EXOC6B: variants seen among roughly 807,000 people sequenced by gnomAD.
EXOC6B encodes SEC15 homolog B.
EXOC6B carries 54 observed loss-of-function variants against 113.5 expected under a neutral mutation model. The ratio of observed to expected loss-of-function variants is 0.48; its 90% CI spans 0.38 to 0.60. The LOEUF is 0.60. Among genes scored for constraint, EXOC6B ranks in the 20% least tolerant of loss-of-function variants. The pLI is 0.00. For missense variants in EXOC6B, 797 were observed against 977.5 expected (o/e 0.82, Z 2.46); for synonymous variants, 357 against 339.0 (o/e 1.05, Z -0.58).
intron 20 of EXOC6B, among the ~76,000 whole-genome samples, chr2:72,289,920 A>G (rs1259094876): frequency 1.3e-5 from 2 of 152,168 alleles, no homozygotes; most frequent in Non-Finnish European, 2.9e-5. Context: ...TCTAATGTGG[A>G]TGGGCCTCAC....
intron 6 of EXOC6B, among the ~76,000 whole-genome samples, chr2:72,597,916 AACAAC>A (rs1670177053): frequency 6.6e-6 from 1 of 152,012 alleles, no homozygotes; most frequent in Admixed American, 6.6e-5. Flanking sequence ...GTATGCACCT[AACAAC>A]AGAGCACCAA....
chr2:72,251,945 C>G (rs532919385), intron 20 of EXOC6B, among the ~76,000 whole-genome samples: 3 of 152,146 alleles, frequency 2.0e-5, no homozygotes, highest in Non-Finnish European at 2.9e-5. Context: ...TATTTCCCCC[C>G]CTTCTTCTCT....
chr2:72,595,713 A>G (rs1670041164), intron 6 of EXOC6B, among the ~76,000 whole-genome samples: 1 of 152,096 alleles, frequency 6.6e-6, no homozygotes, highest in African/African-American at 2.4e-5. Flanking sequence ...TAGATACACA[A>G]TAAGAAGACA....
intron 18 of EXOC6B, 139 bp from the exon 19 acceptor site, chr2:72,380,009 A>G (rs1691591661): frequency 1.4e-6 from 1 of 730,202 alleles, no homozygotes; most frequent in Non-Finnish European, 2.0e-6. Flanking sequence ...CTTCCATTCA[A>G]ATAATCTTGG....
At chr2:72,789,954 C>T (rs1276259754) in intron 1 of EXOC6B, among the ~76,000 whole-genome samples, 1 of 152,100 alleles carries the variant, frequency 6.6e-6, no homozygotes, top group Admixed American at 6.5e-5. Context: ...TCATAGAAAA[C>T]AAAACTGCTC....
intron 6 of EXOC6B, among the ~76,000 whole-genome samples, chr2:72,606,635 C>CTTT (rs1050116094): frequency 1.1e-4 from 17 of 148,624 alleles, no homozygotes; most frequent in African/African-American, 3.4e-4. Context: ...TTCTTTCTTT[C>CTTT]TTTTTTTTTT....
chr2:72,352,731 ATT>A (rs201972771), intron 19 of EXOC6B, among the ~76,000 whole-genome samples: 3 of 144,902 alleles, frequency 2.1e-5, no homozygotes, highest in Non-Finnish European at 3.0e-5. Context: ...GACTGTAATC[ATT>A]TTTTTTTTTT....
Position 72,424,717 on chromosome 2 carries a change from T to G in EXOC6B, c.1980+40443A>C, listed in dbSNP as rs573774870. On this transcript the variant is annotated intron_variant, in intron 18 of 21. Transcript: ENST00000272427. The stretch of plus-strand genomic sequence containing the variant: ...GCTCTATTTGACTTCTTCAAGTTTA[T>G]TAATATGACTACTCCTGTGATCAAA... Among the ~76,000 whole-genome samples, 13 of 152,354 alleles carry G rather than the reference T, an allele frequency of 8.5e-5. No homozygotes were observed. In the South Asian group the frequency reaches 2.3e-3, roughly 27 times the overall value.
At chr2:72,606,270 T>C (rs752966688) in intron 6 of EXOC6B, among the ~76,000 whole-genome samples, 1 of 152,192 alleles carries the variant, frequency 6.6e-6, no homozygotes, top group Admixed American at 6.5e-5. Flanking sequence ...TTATATTCAA[T>C]GTACTGTTAA....
At chr2:72,604,607 A>G (rs1351643446) in intron 6 of EXOC6B, among the ~76,000 whole-genome samples, 1 of 152,222 alleles carries the variant, frequency 6.6e-6, no homozygotes, top group African/African-American at 2.4e-5. Context: ...GATAGAAACA[A>G]GATTTGAAGG....
chr2:72,799,201 C>T (rs1183011623), intron 1 of EXOC6B, among the ~76,000 whole-genome samples: 1 of 138,988 alleles, frequency 7.2e-6, no homozygotes, highest in Non-Finnish European at 1.5e-5. Flanking sequence ...GATCTCACCA[C>T]TGCACTCCAG....
At chr2:72,196,843 C>T (rs1260887779) in intron 20 of EXOC6B, among the ~76,000 whole-genome samples, 2 of 152,134 alleles carry the variant, frequency 1.3e-5, no homozygotes. Flanking sequence ...TTCAAGTCTA[C>T]TTTGGACATA....
At chr2:72,631,357 A>G (rs1207116508) in intron 6 of EXOC6B, among the ~76,000 whole-genome samples, 1 of 149,466 alleles carries the variant, frequency 6.7e-6, no homozygotes, top group South Asian at 2.1e-4. Flanking sequence ...GCTTTACTCT[A>G]TCACTCCATC....
intron 6 of EXOC6B, among the ~76,000 whole-genome samples, chr2:72,694,686 C>T (rs560739692): frequency 1.3e-5 from 2 of 152,246 alleles, no homozygotes; most frequent in Non-Finnish European, 2.9e-5. Flanking sequence ...CATTAAAATG[C>T]CATAGGAACA....
chr2:72,632,853 T>C (rs1280662312), intron 6 of EXOC6B, among the ~76,000 whole-genome samples: 4 of 152,070 alleles, frequency 2.6e-5, no homozygotes, highest in Non-Finnish European at 5.9e-5. Flanking sequence ...AGCTAATTTG[T>C]TAATATTTGA....
intron 6 of EXOC6B, among the ~76,000 whole-genome samples, chr2:72,695,768 A>C (rs1329786586): frequency 6.6e-6 from 1 of 152,162 alleles, no homozygotes; most frequent in African/African-American, 2.4e-5. Flanking sequence ...ACAAGAATAA[A>C]AAAAAATTAT....
intron 20 of EXOC6B, among the ~76,000 whole-genome samples, chr2:72,240,709 A>G (rs1682261642): frequency 1.3e-5 from 2 of 152,338 alleles, no homozygotes; most frequent in South Asian, 4.1e-4. Flanking sequence ...GTTATATGCT[A>G]CTATAAAGAA....
intron 8 of EXOC6B, among the ~76,000 whole-genome samples, chr2:72,555,928 G>A (rs1703516697): frequency 6.6e-6 from 1 of 152,142 alleles, no homozygotes; most frequent in Non-Finnish European, 1.5e-5. Flanking sequence ...TTACAGGCAT[G>A]AGCCACTGCA....
At chr2:72,264,241 T>C (rs144364450) in intron 20 of EXOC6B, among the ~76,000 whole-genome samples, 1 of 152,150 alleles carries the variant, frequency 6.6e-6, no homozygotes, top group African/African-American at 2.4e-5. Context: ...ATACTCAACA[T>C]TGACACTATT....
Sources: allele counts gnomAD v4.1 joint callset (sites outside exome capture counted in the v4.1 genomes callset), GRCh38; gene constraint gnomAD v4.1.1; transcripts MANE v1.5; gene names NCBI Gene and HGNC (gene_info 2026-07-23, HGNC 2026-07-21).